Variants in PTPRD observed in about 807,000 individuals in gnomAD.
The protein encoded by PTPRD is receptor-type tyrosine-protein phosphatase delta.
PTPRD carries 34 observed loss-of-function variants against 214.5 expected under a neutral mutation model. The observed-to-expected ratio is 0.16, with a 90% CI of 0.12 to 0.21. The LOEUF is 0.21. Ranked by LOEUF, PTPRD falls within the 10% of genes least tolerant of loss-of-function variation. The pLI is 1.00. For synonymous variants in PTPRD, 1,128 were observed against 845.7 expected, an observed-to-expected ratio of 1.33 and a Z score of -5.79; for missense variants, 2,545 against 2,398.7, an observed-to-expected ratio of 1.06 and a Z score of -1.27.
At chr9:9,103,360 G>T (rs369101328) in intron 10 of PTPRD, among the ~76,000 whole-genome samples, 1 of 151,752 alleles carries the variant, frequency 6.6e-6, no homozygotes, top group South Asian at 2.1e-4. Flanking sequence ...AATGTCTCAA[G>T]CCAAATGTCT....
chr9:8,833,715 T>A (rs200101202), intron 11 of PTPRD, among the ~76,000 whole-genome samples: 1 of 133,718 alleles, frequency 7.5e-6, no homozygotes, highest in African/African-American at 2.8e-5. Context: ...TATATATATA[T>A]ACACACACAC....
chr9:9,327,047 A>AG (rs1218992891), intron 9 of PTPRD, among the ~76,000 whole-genome samples: 17 of 152,294 alleles, frequency 1.1e-4, no homozygotes, highest in Admixed American at 3.9e-4. Context: ...TTTACTAAAG[A>AG]GGTCAATTGA....
At chr9:9,867,977 T>A (rs916107197) in intron 5 of PTPRD, among the ~76,000 whole-genome samples, 6 of 152,120 alleles carry the variant, frequency 3.9e-5, no homozygotes, top group Non-Finnish European at 7.4e-5. Context: ...ATGAGCTGAA[T>A]AGCTAGACTA....
intron 11 of PTPRD, among the ~76,000 whole-genome samples, chr9:8,942,567 C>T (rs765432907): frequency 2.0e-4 from 31 of 152,166 alleles, no homozygotes; most frequent in East Asian, 7.7e-4. Context: ...TAAGGGTTAA[C>T]GCTGGAGGAA....
intron 11 of PTPRD, among the ~76,000 whole-genome samples, chr9:8,764,184 G>C (rs963649081): frequency 1.3e-5 from 2 of 152,180 alleles, no homozygotes; most frequent in Non-Finnish European, 2.9e-5. Flanking sequence ...CATTACATCA[G>C]ATATGACACG....
At chr9:9,974,809 T>A (rs2095291007) in intron 4 of PTPRD, among the ~76,000 whole-genome samples, 2 of 152,188 alleles carry the variant, frequency 1.3e-5, no homozygotes, top group Admixed American at 1.3e-4. Flanking sequence ...GTTGACACAG[T>A]AAATATTCGT....
chr9:9,883,822 G>A (rs1047233845), intron 5 of PTPRD, among the ~76,000 whole-genome samples: 1 of 151,950 alleles, frequency 6.6e-6, no homozygotes, highest in African/African-American at 2.4e-5. Flanking sequence ...AATACCCAAG[G>A]GAAAACAACT....
chr9:9,497,558 T>G (rs113061028), intron 8 of PTPRD, among the ~76,000 whole-genome samples: 1 of 152,154 alleles, frequency 6.6e-6, no homozygotes, highest in Non-Finnish European at 1.5e-5. Context: ...AATAAGGGTG[T>G]TTACGAACAA....
At chr9:10,595,479 G>A (rs1209600959) in intron 2 of PTPRD, among the ~76,000 whole-genome samples, 1 of 151,478 alleles carries the variant, frequency 6.6e-6, no homozygotes, top group Non-Finnish European at 1.5e-5. Context: ...TTTAAAACAT[G>A]TTTTCTTCTC....
intron 3 of PTPRD, among the ~76,000 whole-genome samples, chr9:10,252,550 TAA>T (rs1179266471): frequency 6.6e-6 from 1 of 151,962 alleles, no homozygotes; most frequent in African/African-American, 2.4e-5. Context: ...CCCAGAGTAA[TAA>T]GAGATATTAT....
chr9:9,743,799 C>G (rs867817758), intron 6 of PTPRD, among the ~76,000 whole-genome samples: 2 of 146,366 alleles, frequency 1.4e-5, no homozygotes, highest in African/African-American at 2.5e-5. Context: ...AATTTCCCTC[C>G]AAAAAATTAA....
chr9:10,589,287 C>T (rs989945840), intron 2 of PTPRD, among the ~76,000 whole-genome samples: 3 of 152,038 alleles, frequency 2.0e-5, no homozygotes, highest in Non-Finnish European at 4.4e-5. Flanking sequence ...AAAGAGAACA[C>T]AGCCTATAAG....
rs1054133333 is a variant in PTPRD at position 8,594,069 on chromosome 9, T to C, written c.352+39248A>G. Among the ~76,000 whole-genome samples the C allele has an allele frequency of 3.9e-5, 6 of 152,220 alleles. No homozygotes were observed. In the East Asian group the frequency reaches 7.7e-4, roughly 20 times the overall value. On this transcript the variant is annotated intron_variant, in intron 14 of 45. Transcript: ENST00000381196. ...TCCTAATAGTAGAAAAGGCACTACATTGATGTAATATATAATGCCCAGTAA... is the reference window on the plus strand; with the variant it reads ...TCCTAATAGTAGAAAAGGCACTACACTGATGTAATATATAATGCCCAGTAA...
At chr9:8,499,371 C>T (rs1339614883) in intron 25 of PTPRD, among the ~76,000 whole-genome samples, 1 of 152,060 alleles carries the variant, frequency 6.6e-6, no homozygotes, top group Non-Finnish European at 1.5e-5. Flanking sequence ...GTCAGAAAGG[C>T]AAACTCAAAT....
chr9:9,774,384 G>C (rs1394903220), intron 5 of PTPRD, among the ~76,000 whole-genome samples: 12 of 152,184 alleles, frequency 7.9e-5, no homozygotes, highest in African/African-American at 2.9e-4. Context: ...ACTGGTGAAA[G>C]TGCAAAATCC....
intron 11 of PTPRD, among the ~76,000 whole-genome samples, chr9:8,762,132 T>A (rs920249712): frequency 6.6e-6 from 1 of 152,156 alleles, no homozygotes; most frequent in Non-Finnish European, 1.5e-5. Context: ...AAAGGTTCTG[T>A]CTTTCTAGGA....
chr9:10,603,637 G>T (rs1347508567), intron 2 of PTPRD, among the ~76,000 whole-genome samples: 2 of 151,872 alleles, frequency 1.3e-5, no homozygotes, highest in African/African-American at 4.8e-5. Context: ...AATGATATGG[G>T]TATAAATAAG....
At chr9:9,383,249 T>G (rs1352444944) in intron 9 of PTPRD, among the ~76,000 whole-genome samples, 1 of 152,038 alleles carries the variant, frequency 6.6e-6, no homozygotes, top group Non-Finnish European at 1.5e-5. Flanking sequence ...GACAAGAAAA[T>G]TGTCCTATTT....
Position 10,252,078 on chromosome 9 carries a change from C to G in PTPRD, c.-545+88885G>C, listed in dbSNP as rs144187019. 3.8e-3 allele frequency among the ~76,000 whole-genome samples: 581 copies of G among 152,206 alleles called. 7 individuals carry two copies. Among genetic ancestry groups the G allele is most frequent in the African/African-American group, 0.013 (531 of 41,524 alleles). The stretch of plus-strand genomic sequence containing the variant: ...CTACCAATGTATACATGTATTCAAA[C>G]ATCATTTTGTACCCCACAGATATAT... On this transcript the variant is annotated intron_variant, in intron 3 of 45. Transcript: ENST00000381196.
Sources: allele counts gnomAD v4.1 joint callset (sites outside exome capture counted in the v4.1 genomes callset), GRCh38; gene constraint gnomAD v4.1.1; transcripts MANE v1.5; gene names NCBI Gene and HGNC (gene_info 2026-07-23, HGNC 2026-07-21).